Variants in ELF2 observed in about 807,000 individuals in gnomAD.
The protein encoded by ELF2 is E74 like ETS transcription factor 2.
Under a neutral mutation model 54.8 loss-of-function variants are expected in ELF2, and 11 were observed. The observed-to-expected ratio is 0.20, with a 90% CI of 0.13 to 0.33. The LOEUF is 0.33. ELF2 is among the 10% of genes least tolerant of loss of function. ELF2 has a pLI of 1.00. For missense variants in ELF2, 513 were observed against 703.0 expected, an observed-to-expected ratio of 0.73 and a Z score of 3.06; for synonymous variants, 203 against 245.1, an observed-to-expected ratio of 0.83 and a Z score of 1.61.
upstream of ELF2, among the ~76,000 whole-genome samples, chr4:139,177,734 C>T (rs539167734): frequency 2.0e-4 from 30 of 151,736 alleles, no homozygotes; most frequent in Admixed American, 4.6e-4. Flanking sequence ...CGCACACACC[C>T]TCGCCACTCA....
Position 139,138,160 on chromosome 4 carries a change from G to A in ELF2, c.-166-293C>T, listed in dbSNP as rs1015936508. On this transcript the variant is annotated intron_variant, in intron 2 of 9. Transcript: ENST00000686138. ...GTGCCAGGTGCGGTGGCTCACGCCT[G>A]TATATTCCAGCACTTTGGGAGGCCG... is the stretch of plus-strand genomic sequence containing the variant. 3.3e-5 allele frequency among the ~76,000 whole-genome samples: 5 copies of A among 152,286 alleles called. No individual in the cohort carries two copies. The East Asian group carries it at 5.8e-4, about 18-fold the overall frequency.
chr4:139,145,396 G>A (rs1216336751), intron 1 of ELF2, among the ~76,000 whole-genome samples: 5 of 152,190 alleles, frequency 3.3e-5, no homozygotes, highest in Non-Finnish European at 7.3e-5. Context: ...CCCAGAATCA[G>A]CCTGGAATGT....
rs546713845 is a variant in ELF2, at chr4:139,122,265, A to G, written c.238+2899T>C. ...CCCAATTCACCAAATAAAATCTGCCATCTTATAAGCATTCCTTTTCTTCCC... is the reference window on the plus strand; with the variant it reads ...CCCAATTCACCAAATAAAATCTGCCGTCTTATAAGCATTCCTTTTCTTCCC... On this transcript the variant is annotated intron_variant, in intron 4 of 9. Transcript: ENST00000686138. Among the ~76,000 whole-genome samples, 19 of 152,326 alleles carry G rather than the reference A, an allele frequency of 1.2e-4. 1 individual carries two copies. The highest frequency in any genetic ancestry group is 1.2e-3 in the Admixed American group (19 of 15,304).
intron 4 of ELF2, chr4:139,115,199 T>C: frequency 6.2e-7 from 1 of 1,611,672 alleles, no homozygotes; most frequent in African/African-American, 1.3e-5. Context: ...CGGTCATACT[T>C]GACGGTGACC....
chr4:139,133,663 T>C (rs184374926), intron 3 of ELF2, among the ~76,000 whole-genome samples: 1 of 151,902 alleles, frequency 6.6e-6, no homozygotes. Flanking sequence ...AGATACGGGG[T>C]TCACTATGTT....
chr4:139,073,897 A>G (rs1330488946), intron 4 of ELF2, among the ~76,000 whole-genome samples: 2 of 152,142 alleles, frequency 1.3e-5, no homozygotes, highest in African/African-American at 2.4e-5. Context: ...CTGGGAGGCC[A>G]AGGAGGGTAG....
At chr4:139,104,003 C>T (rs1162216303) in intron 4 of ELF2, among the ~76,000 whole-genome samples, 1 of 152,178 alleles carries the variant, frequency 6.6e-6, no homozygotes, top group Non-Finnish European at 1.5e-5. Flanking sequence ...TGCTCATTCC[C>T]TTCAAGTAGT....
At chr4:139,168,195 T>A (rs970692130) in intron 1 of ELF2, among the ~76,000 whole-genome samples, 2 of 152,202 alleles carry the variant, frequency 1.3e-5, no homozygotes, top group Non-Finnish European at 1.5e-5. Context: ...TTTGAGGAAG[T>A]TGAGACTCAT....
At chr4:139,092,232 G>A (rs1372671254) in intron 4 of ELF2, among the ~76,000 whole-genome samples, 1 of 151,316 alleles carries the variant, frequency 6.6e-6, no homozygotes, top group Admixed American at 6.6e-5. Flanking sequence ...CGTGGTGGCA[G>A]GCGACTTAAT....
chr4:139,067,799 G>T, intron 6 of ELF2, 29 bp from the exon 7 acceptor site: 1 of 1,541,886 alleles, frequency 6.5e-7, no homozygotes, highest in Non-Finnish European at 8.8e-7. Flanking sequence ...GAAACCATAC[G>T]TTGAAAACAA....
chr4:139,061,768 A>C, intron 8 of ELF2, 97 bp downstream of exon 8: 2 of 1,406,442 alleles, frequency 1.4e-6, no homozygotes, highest in East Asian at 4.8e-5. Flanking sequence ...CCAAAGTTAA[A>C]AGTTGTAAAG....
chr4:139,167,067 A>C (rs1479687540), intron 1 of ELF2, among the ~76,000 whole-genome samples: 1 of 152,166 alleles, frequency 6.6e-6, no homozygotes, highest in African/African-American at 2.4e-5. Context: ...TTTTCTCCCT[A>C]CTTGATCCCT....
intron 1 of ELF2, among the ~76,000 whole-genome samples, chr4:139,173,361 C>T (rs1394170363): frequency 6.6e-6 from 1 of 152,022 alleles, no homozygotes; most frequent in African/African-American, 2.4e-5. Flanking sequence ...ATATTCATAG[C>T]AGCATAATAG....
intron 4 of ELF2, among the ~76,000 whole-genome samples, chr4:139,107,880 G>C (rs1413506326): frequency 2.6e-5 from 4 of 151,866 alleles, no homozygotes; most frequent in African/African-American, 9.7e-5. Flanking sequence ...AGAAATGTCT[G>C]ATCACAGATA....
intron 2 of ELF2, among the ~76,000 whole-genome samples, chr4:139,139,145 G>C (rs547188770): frequency 6.6e-6 from 1 of 152,110 alleles, no homozygotes; most frequent in South Asian, 2.1e-4. Context: ...ATGTTTGCCT[G>C]CTGGCAATAT....
chr4:139,103,607 G>A (rs1394140594), intron 4 of ELF2, among the ~76,000 whole-genome samples: 1 of 152,190 alleles, frequency 6.6e-6, no homozygotes, highest in African/African-American at 2.4e-5. Context: ...AATACTTCAC[G>A]CCCTATGCAT....
chr4:139,147,873 G>C (rs926624786), intron 1 of ELF2, among the ~76,000 whole-genome samples: 1 of 138,000 alleles, frequency 7.2e-6, no homozygotes, highest in Non-Finnish European at 1.5e-5. Context: ...CGCAACCTCC[G>C]CCTCCCAGGT....
In ELF2 at chr4:139,060,384, T is replaced by G; in HGVS notation, c.1097A>C (p.His366Pro). ...ARVVNITSPG[H>P]DASSRSPTTT... ...AGTAGGAGACCTGGATGAAGCATCG[T>G]GCCCAGGGGAAGTGATATTCACAAC... The change falls in exon 9 of 10, where the codon CAC (histidine) becomes CCC (proline). Residue 366 changes from histidine to proline, a missense_variant. By Grantham distance (77) the His-to-Pro change is moderately conservative. Coordinates refer to ENST00000686138, the MANE Select transcript of ELF2 (RefSeq NM_001331036.3). 6.2e-7 allele frequency: 1 copy of G among 1,614,038 alleles called. No individual in the cohort carries two copies. The highest frequency in any genetic ancestry group is 1.1e-5 in the South Asian group (1 of 91,062).
chr4:139,152,891 CTT>C (rs34208004), intron 1 of ELF2, among the ~76,000 whole-genome samples: 41 of 104,040 alleles, frequency 3.9e-4, no homozygotes, highest in African/African-American at 9.6e-4. Context: ...TAGTGTCATA[CTT>C]TTTTTTTTTT....
Sources: allele counts gnomAD v4.1 joint callset (sites outside exome capture counted in the v4.1 genomes callset), GRCh38; gene constraint gnomAD v4.1.1; transcripts MANE v1.5; gene names NCBI Gene and HGNC (gene_info 2026-07-23, HGNC 2026-07-21).